The following SEMA5B variants were observed in gnomAD, a reference collection of about 807,000 sequenced individuals.
The protein encoded by SEMA5B is semaphorin-5B.
Under a neutral mutation model 135.0 loss-of-function variants are expected in SEMA5B, and 66 were observed. The ratio of observed to expected loss-of-function variants is 0.49; its 90% confidence interval spans 0.40 to 0.60. The LOEUF is 0.60. Ranked by LOEUF, SEMA5B falls within the 20% of genes least tolerant of loss-of-function variation. The pLI, the probability that SEMA5B is intolerant of heterozygous loss-of-function variation, is 0.00. For missense variants in SEMA5B, 1,501 were observed against 1,566.3 expected, an observed-to-expected ratio of 0.96 and a Z score of 0.70; for synonymous variants, 690 against 639.5, an observed-to-expected ratio of 1.08 and a Z score of -1.19.
chr3:122,936,516 T>C (rs1456816780), intron 5 of SEMA5B, among the ~76,000 whole-genome samples: 2 of 152,150 alleles, frequency 1.3e-5, no homozygotes, highest in African/African-American at 4.8e-5. Context: ...TGCAGAACAG[T>C]CCTCGTTTCT....
chr3:122,983,490 A>T (rs1251952338), intron 1 of SEMA5B, among the ~76,000 whole-genome samples: 1 of 151,944 alleles, frequency 6.6e-6, no homozygotes, highest in Admixed American at 6.6e-5. Flanking sequence ...CTATAAAGAC[A>T]CACGAGAAAG....
chr3:122,935,686 C>CTTTCTTTTTTTTTTTTTTTTTTTTTTTT (rs1939233868), intron 5 of SEMA5B, among the ~76,000 whole-genome samples: 50 of 70,268 alleles, frequency 7.1e-4, no homozygotes, highest in Non-Finnish European at 1.2e-3. Flanking sequence ...TTCTTTCTTT[C>CTTTCTTTTTTTTTTTTTTTTTTTTTTTT]TTTTTTTTTT....
At chr3:123,008,453 G>A (rs986791373) in intron 1 of SEMA5B, among the ~76,000 whole-genome samples, 1 of 152,136 alleles carries the variant, frequency 6.6e-6, no homozygotes, top group Non-Finnish European at 1.5e-5. Flanking sequence ...AGAGTTCAGG[G>A]CCCAGGAGAA....
intron 1 of SEMA5B, among the ~76,000 whole-genome samples, chr3:122,988,765 A>G (rs1364437018): frequency 6.6e-6 from 1 of 152,248 alleles, no homozygotes; most frequent in Non-Finnish European, 1.5e-5. Flanking sequence ...ATCTCGCCTC[A>G]TCTGGGCTCT....
intron 2 of SEMA5B, among the ~76,000 whole-genome samples, chr3:122,951,181 G>A (rs1046017889): frequency 9.9e-5 from 15 of 152,006 alleles, no homozygotes; most frequent in Non-Finnish European, 1.6e-4. Context: ...AAAAATATCC[G>A]TATCAAAAAA....
intron 1 of SEMA5B, among the ~76,000 whole-genome samples, chr3:122,966,564 TTA>T (rs199721071): frequency 0.036 from 5,281 of 145,446 alleles, 127 homozygotes; most frequent in Non-Finnish European, 0.048. Context: ...ATTATTATTA[TTA>T]TTTTTTGAGA....
intron 5 of SEMA5B, among the ~76,000 whole-genome samples, chr3:122,937,741 A>G (rs553119067): frequency 6.6e-6 from 1 of 152,290 alleles, no homozygotes; most frequent in South Asian, 2.1e-4. Flanking sequence ...GAACTCAGTC[A>G]TCAAGCGCAG....
At position 122,922,348 on chromosome 3, in the gene SEMA5B, C is replaced by A. The variant is rs1476517387; in HGVS notation, c.1372G>T (p.Val458Leu). The A allele has an allele frequency of 6.2e-7, 1 of 1,613,582 alleles. No individual in the cohort carries two copies. The highest frequency in any genetic ancestry group is 8.5e-7 in the Non-Finnish European group (1 of 1,179,864). The change falls in exon 11 of 23, where the codon GTG (valine) becomes TTG (leucine). Residue 458 changes from valine (V) to leucine (L), a missense_variant. Val to Leu is a conservative substitution (Grantham distance 32). Coordinates refer to ENST00000357599, the MANE Select transcript of SEMA5B (RefSeq NM_001031702.4). ...LFLMSEAVQPVTPEPCVTQDS... is the reference protein window; with the variant it reads ...LFLMSEAVQPLTPEPCVTQDS... ...TGGGTGACACAGGGCTCGGGTGTCACCGGCTGCACGGCCTCGCTCATCAGG... is the reference window on the plus strand; with the variant it reads ...TGGGTGACACAGGGCTCGGGTGTCAACGGCTGCACGGCCTCGCTCATCAGG...
chr3:122,996,534 A>G (rs1942027155), intron 1 of SEMA5B, among the ~76,000 whole-genome samples: 1 of 152,190 alleles, frequency 6.6e-6, no homozygotes, highest in Non-Finnish European at 1.5e-5. Context: ...CAGTGGAAGG[A>G]GGGACTGTGG....
intron 8 of SEMA5B, 23 bp downstream of exon 8, chr3:122,927,765 ACC>A (rs1397261861): frequency 1.4e-6 from 2 of 1,390,764 alleles, no homozygotes; most frequent in African/African-American, 3.0e-5. Flanking sequence ...GGGAGTCCCC[ACC>A]CCTGGCACTG....
At chr3:123,018,711 T>C (rs1942613561) in intron 1 of SEMA5B, among the ~76,000 whole-genome samples, 1 of 152,166 alleles carries the variant, frequency 6.6e-6, no homozygotes, top group African/African-American at 2.4e-5. Context: ...GTCCCCAACA[T>C]CCAATTCTCC....
At chr3:122,920,870 C>T (rs1419540269) in intron 12 of SEMA5B, among the ~76,000 whole-genome samples, 4 of 152,190 alleles carry the variant, frequency 2.6e-5, no homozygotes, top group Admixed American at 6.5e-5. Flanking sequence ...TTTCTCTTGC[C>T]TTCTCTCACA....
In SEMA5B at chr3:122,962,108, T is replaced by C. The variant is rs180815311; in HGVS notation, c.-38-807A>G. Among the ~76,000 whole-genome samples the C allele has an allele frequency of 3.9e-5, 6 of 152,300 alleles. No individual in the cohort carries two copies. In the East Asian group the frequency reaches 1.2e-3, roughly 29 times the overall value. On this transcript the variant is annotated intron_variant, in intron 1 of 22. Coordinates refer to ENST00000357599, the MANE Select transcript of SEMA5B (RefSeq NM_001031702.4). The stretch of plus-strand genomic sequence containing the variant: ...CCCTACCTCAAGGTCCTTGACTGAA[T>C]CACATCTGCAAATTCCCTTTTGCAT...
rs138032627 is a variant in SEMA5B, at chr3:122,927,828, G to A, written c.812C>T (p.Pro271Leu). The change falls in exon 8 of 23, where the codon CCG becomes CTG. Residue 271 changes from proline (P) to leucine (L), a missense_variant. By Grantham distance (98) the Pro-to-Leu change is moderately conservative. Coordinates refer to ENST00000357599, the MANE Select transcript of SEMA5B (RefSeq NM_001031702.4). ...AIYRSLGSGPPLRTAQYNSKW... is the reference protein window; with the variant it reads ...AIYRSLGSGPLLRTAQYNSKW... ...GGAGTTATATTGGGCAGTGCGAAGC[G>A]GTGGCCCACTGCCCAGGCTGCGGTA... 60 of 1,555,986 alleles carry A rather than the reference G, an allele frequency of 3.9e-5. No individual in the cohort carries two copies. The highest frequency in any genetic ancestry group is 1.2e-4 in the East Asian group (5 of 41,440).
rs1937828274 is a variant in SEMA5B, at chr3:122,912,997, G to A, written c.2571C>T (p.Ala857=). 7 of 1,607,316 alleles carry A rather than the reference G, an allele frequency of 4.4e-6. No homozygotes were observed. Among genetic ancestry groups the A allele is most frequent in the Non-Finnish European group, 5.9e-6 (7 of 1,177,182 alleles). ...TSPHTVSGGW[A]AWGPWSSCSR... ...AGCAGGACGACCACGGGCCCCAGGC[G>A]GCCCAGCCCCCGCTCACCGTGTGCG... The change falls in exon 18 of 23, where the codon GCC becomes GCT. Residue 857 remains alanine, a synonymous_variant. Coordinates refer to ENST00000357599, the MANE Select transcript of SEMA5B (RefSeq NM_001031702.4).
intron 1 of SEMA5B, among the ~76,000 whole-genome samples, chr3:122,971,673 C>T (rs1399319502): frequency 6.6e-6 from 1 of 152,220 alleles, no homozygotes; most frequent in African/African-American, 2.4e-5. Flanking sequence ...GGAAGGTGTT[C>T]ACACACTTAT....
chr3:122,997,989 G>A (rs1286392030), intron 1 of SEMA5B, among the ~76,000 whole-genome samples: 1 of 152,136 alleles, frequency 6.6e-6, no homozygotes, highest in African/African-American at 2.4e-5. Context: ...GCAACCTCAG[G>A]CAGCAAACAC....
rs148156892 is a variant in SEMA5B, at chr3:122,926,485, C to A, written c.1043G>T (p.Arg348Leu). 104 of 1,614,098 alleles carry A rather than the reference C, an allele frequency of 6.4e-5. No individual in the cohort carries two copies. Among genetic ancestry groups the A allele is most frequent in the Non-Finnish European group, 8.2e-5 (97 of 1,180,038 alleles). Residue 348 changes from arginine to leucine, a missense_variant, in exon 9 of 23, where the codon CGC (arginine) becomes CTC (leucine). Around this residue, in one of 2 missense-constraint regions of SEMA5B, gnomAD observed 574 missense variants for 684.7 expected, o/e 0.84. Coordinates refer to ENST00000357599, the MANE Select transcript of SEMA5B (RefSeq NM_001031702.4). The part of the protein sequence containing the change: ...TFMKARLNCS[R>L]PGEVPFYYNE... Reference sequence around the variant, plus strand: ...ATAGTAGAAGGGGACCTCGCCCGGGCGGGAGCAGTTGAGCCGGGCCTTCAT... The same window carrying A: ...ATAGTAGAAGGGGACCTCGCCCGGGAGGGAGCAGTTGAGCCGGGCCTTCAT...
intron 1 of SEMA5B, among the ~76,000 whole-genome samples, chr3:122,983,369 C>G (rs1353832668): frequency 6.6e-6 from 1 of 151,834 alleles, no homozygotes; most frequent in East Asian, 1.9e-4. Flanking sequence ...ATTTTTTTCT[C>G]CTGCAGGTTC....
Sources: allele counts gnomAD v4.1 joint callset (sites outside exome capture counted in the v4.1 genomes callset), GRCh38; gene constraint gnomAD v4.1.1; regional missense constraint gnomAD v4.1.1; transcripts MANE v1.5; gene names NCBI Gene and HGNC (gene_info 2026-07-23, HGNC 2026-07-21).